The following ITPK1 variants were observed in gnomAD, a reference collection of about 807,000 sequenced individuals.
ITPK1 encodes the protein inositol 1,3,4-trisphosphate 5/6-kinase.
A neutral mutation model predicts 45.3 loss-of-function variants in ITPK1; 21 were observed. The ratio of observed to expected loss-of-function variants is 0.46; its 90% confidence interval spans 0.33 to 0.67. The LOEUF (loss-of-function observed/expected upper bound fraction) is 0.67. Among genes scored for constraint, ITPK1 ranks in the 30% least tolerant of loss-of-function variants. The pLI is 0.02. For missense variants in ITPK1, 474 were observed against 573.5 expected, an observed-to-expected ratio of 0.83 and a Z score of 1.77; for synonymous variants, 258 against 253.6, an observed-to-expected ratio of 1.02 and a Z score of -0.16.
chr14:92,951,895 G>T, intron 9 of ITPK1, 51 bp downstream of exon 9: 1 of 1,427,072 alleles, frequency 7.0e-7, no homozygotes, highest in Non-Finnish European at 9.7e-7. Flanking sequence ...CCCACACCTA[G>T]GCCCACGGGA....
At chr14:92,970,417 G>T (rs1885587023) in intron 5 of ITPK1, among the ~76,000 whole-genome samples, 2 of 152,208 alleles carry the variant, frequency 1.3e-5, no homozygotes, top group South Asian at 4.1e-4. Context: ...AGTGGTTACT[G>T]GTCCACATCC....
At chr14:92,986,782 T>C (rs1344305363) in intron 5 of ITPK1, among the ~76,000 whole-genome samples, 1 of 152,146 alleles carries the variant, frequency 6.6e-6, no homozygotes. Flanking sequence ...GGAACATTCT[T>C]CCCTAGATGA....
At chr14:92,971,102 T>A (rs544194630) in intron 5 of ITPK1, among the ~76,000 whole-genome samples, 3 of 152,264 alleles carry the variant, frequency 2.0e-5, no homozygotes, top group Non-Finnish European at 4.4e-5. Context: ...ACCCTCTTCC[T>A]GCTCACCTGG....
intron 3 of ITPK1, among the ~76,000 whole-genome samples, chr14:93,030,926 G>A (rs1443884588): frequency 6.6e-6 from 1 of 152,162 alleles, no homozygotes; most frequent in Non-Finnish European, 1.5e-5. Context: ...GGAGATGAAG[G>A]CAGAGATGAG....
In ITPK1 at chr14:92,938,352, C is replaced by A; in HGVS notation, c.*3209G>T. 2.7e-6 allele frequency: 2 copies of A among 728,054 alleles called. No individual in the cohort carries two copies. The highest frequency in any genetic ancestry group is 1.7e-5 in the African/African-American group (1 of 57,790). The allele number at this position is 728,054 out of a possible 1,614,324, so 45.1% of individuals were successfully genotyped here. On this transcript the variant is annotated 3_prime_UTR_variant, in exon 11 of 11. Transcript: ENST00000267615. The stretch of plus-strand genomic sequence containing the variant: ...TGTGGCCAGTGGCCAATGTGAGTGC[C>A]CAAGAGCCAAGAACTGGTCTTCCAG...
In ITPK1 at chr14:92,939,688, C is replaced by A; in HGVS notation, c.*1873G>T. On this transcript the variant is annotated 3_prime_UTR_variant, in exon 11 of 11. Transcript: ENST00000267615. ...CCTGGACGCGCAAGACCCCGGAGGC[C>A]ACAAACGGTACAGGAACACAGCCAG... 3.0e-6 allele frequency: 3 copies of A among 985,462 alleles called. No individual in the cohort carries two copies. The highest frequency in any genetic ancestry group is 3.6e-6 in the Non-Finnish European group (3 of 829,970). The allele number at this position is 985,462 out of a possible 1,614,324, so 61.0% of individuals were successfully genotyped here.
intron 2 of ITPK1, among the ~76,000 whole-genome samples, chr14:93,107,037 A>G (rs1050612792): frequency 6.6e-6 from 1 of 151,896 alleles, no homozygotes; most frequent in Non-Finnish European, 1.5e-5. Context: ...GGCTCACTGC[A>G]ATCTCCACCT....
At position 93,026,683 on chromosome 14, in the gene ITPK1, C is replaced by T. The variant is rs373768974; in HGVS notation, c.121-9882G>A. Among the ~76,000 whole-genome samples the T allele has an allele frequency of 7.9e-5, 12 of 152,262 alleles. No homozygotes were observed. In the East Asian group the frequency reaches 1.5e-3, roughly 20 times the overall value. On this transcript the variant is annotated intron_variant, in intron 3 of 10. Coordinates refer to ENST00000267615, the MANE Select transcript of ITPK1 (RefSeq NM_014216.6). ...CACACATTGCTGCACTGTTTGTAATCGCCAAAAATTAGTAACTAAATAAAA... is the reference window on the plus strand; with the variant it reads ...CACACATTGCTGCACTGTTTGTAATTGCCAAAAATTAGTAACTAAATAAAA...
In ITPK1 at chr14:92,958,150, A is replaced by C. The variant is rs1301610656; in HGVS notation, c.670+51T>G. ...GGACAGACAGCTGCTGCCACATCCCAGCTGGGCCCCTGAGTCTTGCTCAGC... is the reference window on the plus strand; with the variant it reads ...GGACAGACAGCTGCTGCCACATCCCCGCTGGGCCCCTGAGTCTTGCTCAGC... On this transcript the variant is annotated intron_variant, in intron 8 of 10. Coordinates refer to ENST00000267615, the MANE Select transcript of ITPK1 (RefSeq NM_014216.6). This position sits in a 1 kb window ranked among gnomAD's most constrained non-coding sequence, Gnocchi z 4.4. 6.3e-7 allele frequency: 1 copy of C among 1,586,296 alleles called. No homozygotes were observed.
chr14:92,961,240 G>A (rs897632372), intron 7 of ITPK1, among the ~76,000 whole-genome samples: 1 of 152,182 alleles, frequency 6.6e-6, no homozygotes, highest in Admixed American at 6.5e-5. Context: ...GCTGTGTCCA[G>A]GGCAAAGACA....
intron 2 of ITPK1, among the ~76,000 whole-genome samples, chr14:93,096,728 AAGAATGTAGGGGCTCGAATGTTCT>A (rs1892096098): frequency 6.6e-6 from 1 of 152,216 alleles, no homozygotes; most frequent in Admixed American, 6.5e-5. Flanking sequence ...TGGAATGTTC[AAGAATGTAGGGGCTCGAATGTTCT>A]AGAATGTAGG....
chr14:92,964,073 T>A (rs920298177), intron 5 of ITPK1, among the ~76,000 whole-genome samples: 3 of 152,192 alleles, frequency 2.0e-5, no homozygotes, highest in African/African-American at 7.2e-5. Context: ...ATGCCAAGAA[T>A]TACACAGGGC....
intron 3 of ITPK1, chr14:93,066,404 A>ATTT: frequency 3.0e-6 from 1 of 329,212 alleles, no homozygotes; most frequent in East Asian, 9.7e-5. Flanking sequence ...ACATTTAGCA[A>ATTT]TTCTTTTTTT....
At chr14:92,983,599 A>G (rs1886331965) in intron 5 of ITPK1, among the ~76,000 whole-genome samples, 1 of 152,208 alleles carries the variant, frequency 6.6e-6, no homozygotes, top group Non-Finnish European at 1.5e-5. Context: ...GGGATACTCA[A>G]TTGTGCCAAT....
intron 9 of ITPK1, among the ~76,000 whole-genome samples, chr14:92,949,497 C>G (rs1887856894): frequency 6.6e-6 from 1 of 152,234 alleles, no homozygotes; most frequent in East Asian, 1.9e-4. Context: ...AGCCCAAGGC[C>G]CTCACTGAGT....
chr14:93,104,817 C>T lies in ITPK1; in HGVS notation c.95+10252G>A, dbSNP rs767320651. Among the ~76,000 whole-genome samples, 11 of 152,174 alleles carry T rather than the reference C, an allele frequency of 7.2e-5. No individual in the cohort carries two copies. In the East Asian group the frequency reaches 7.7e-4, roughly 11 times the overall value. On this transcript the variant is annotated intron_variant, in intron 2 of 10. Coordinates refer to ENST00000267615, the MANE Select transcript of ITPK1 (RefSeq NM_014216.6). ...ACAGCCCTGCCAAAGCACAGCAGGC[C>T]GCCTGAACAAACCCAGAGTCCCAGT... is the stretch of plus-strand genomic sequence containing the variant.
intron 3 of ITPK1, among the ~76,000 whole-genome samples, chr14:93,075,742 A>G (rs1388300302): frequency 6.6e-6 from 1 of 152,184 alleles, no homozygotes; most frequent in Non-Finnish European, 1.5e-5. Flanking sequence ...ATATTCTAGC[A>G]GGGGCCAGCA....
intron 3 of ITPK1, among the ~76,000 whole-genome samples, chr14:93,072,749 C>T (rs377384784): frequency 8.9e-4 from 135 of 152,058 alleles, no homozygotes; most frequent in African/African-American, 2.1e-3. Context: ...AGCGGTCATA[C>T]ACCACCACAC....
chr14:93,005,937 A>G (rs977843190), intron 4 of ITPK1, among the ~76,000 whole-genome samples: 2 of 152,130 alleles, frequency 1.3e-5, no homozygotes, highest in Admixed American at 6.5e-5. Context: ...TCCAGGGCAT[A>G]CCGTACAGCC....
Sources: gnomAD v4.1 joint callset for allele counts (sites outside exome capture counted in the v4.1 genomes callset) on GRCh38, gnomAD v4.1.1 for gene constraint, Gnocchi (gnomAD v3.1) non-coding constraint, MANE v1.5 for transcripts, NCBI Gene and HGNC (gene_info 2026-07-23, HGNC 2026-07-21) for gene names.